Variants in KCNQ5 observed in about 807,000 individuals in gnomAD.
KCNQ5 encodes potassium voltage-gated channel subfamily Q member 5, also known as potassium voltage-gated channel subfamily KQT member 5.
KCNQ5 carries 30 observed loss-of-function variants against 98.2 expected under a neutral mutation model. That is an observed-to-expected ratio of 0.31 (90% confidence interval 0.23 to 0.41). The LOEUF is 0.41. KCNQ5 is among the 10% of genes least tolerant of loss of function. KCNQ5 has a pLI of 1.00. For missense variants in KCNQ5, 835 were observed against 1,182.5 expected, an observed-to-expected ratio of 0.71 and a Z score of 4.31; for synonymous variants, 458 against 449.4, an observed-to-expected ratio of 1.02 and a Z score of -0.24.
At chr6:73,012,812 G>A (rs968262666) in intron 2 of KCNQ5, among the ~76,000 whole-genome samples, 6 of 151,152 alleles carry the variant, frequency 4.0e-5, no homozygotes, top group East Asian at 1.9e-4. Context: ...CGTGTACCCC[G>A]GAACTTAAAA....
At chr6:72,837,561 T>C (rs1442639633) in intron 1 of KCNQ5, among the ~76,000 whole-genome samples, 1 of 152,152 alleles carries the variant, frequency 6.6e-6, no homozygotes, top group Non-Finnish European at 1.5e-5. Flanking sequence ...AATGATTACA[T>C]TGAAATGGTG....
Position 72,915,894 on chromosome 6 carries a change from T to A in KCNQ5, c.399-88014T>A, listed in dbSNP as rs372625105. On this transcript the variant is annotated intron_variant, in intron 1 of 13. Transcript: ENST00000370398. ...ATCTGGCTTGAAATGTTAAGATTCA[T>A]GAGGGACATAGATGCTACTAAAAAT... 1.8e-4 allele frequency among the ~76,000 whole-genome samples: 28 copies of A among 152,330 alleles called. No individual in the cohort carries two copies. The East Asian group carries it at 3.1e-3, about 17-fold the overall frequency.
intron 1 of KCNQ5, among the ~76,000 whole-genome samples, chr6:72,762,595 A>G (rs1291935547): frequency 1.3e-5 from 2 of 152,114 alleles, no homozygotes; most frequent in African/African-American, 2.4e-5. Context: ...AAGGTGGTGT[A>G]GTATGGCCAA....
chr6:72,743,014 G>T (rs964810424), intron 1 of KCNQ5, among the ~76,000 whole-genome samples: 1 of 152,122 alleles, frequency 6.6e-6, no homozygotes. Context: ...CTTTTTAGGG[G>T]TGAATATTGT....
At chr6:73,185,791 A>T (rs1778550175) in intron 11 of KCNQ5, among the ~76,000 whole-genome samples, 1 of 152,170 alleles carries the variant, frequency 6.6e-6, no homozygotes, top group Non-Finnish European at 1.5e-5. Context: ...TGCATTTTGA[A>T]AGGTTTGTTC....
At position 72,962,190 on chromosome 6, in the gene KCNQ5, TATATATATATAC is replaced by T. The variant is rs1360951149; in HGVS notation, c.399-41706_399-41695del. Among the ~76,000 whole-genome samples, 468 of 103,270 alleles carry T rather than the reference TATATATATATAC, an allele frequency of 4.5e-3. 3 individuals carry two copies. The highest frequency in any genetic ancestry group is 0.015 in the East Asian group (44 of 2,916). 67.7% of individuals were successfully genotyped at this position (103,270 alleles called of 152,430 possible). ...GAGACCTTGTTTCTCTAAATATATA[TATATATATATAC>T]ATATATATATATATACACACATATA... On this transcript the variant is annotated intron_variant, in intron 1 of 13. Transcript: ENST00000370398.
At position 72,846,560 on chromosome 6, in the gene KCNQ5, T is replaced by C. The variant is rs182777406; in HGVS notation, c.399-157348T>C. ...AGGCAAGGTAGCACATGCCCTGTAG[T>C]CCCAGCTACTTGGGAGGCTGAGGCA... On this transcript the variant is annotated intron_variant, in intron 1 of 13. Transcript: ENST00000370398. 7.3e-5 allele frequency among the ~76,000 whole-genome samples: 11 copies of C among 150,850 alleles called. No individual in the cohort carries two copies. In the East Asian group the frequency reaches 1.8e-3, roughly 24 times the overall value.
chr6:72,754,577 A>G (rs943359191), intron 1 of KCNQ5, among the ~76,000 whole-genome samples: 2 of 152,128 alleles, frequency 1.3e-5, no homozygotes. Flanking sequence ...GGATGCTGCC[A>G]AATATCCTAA....
intron 1 of KCNQ5, among the ~76,000 whole-genome samples, chr6:72,781,401 T>C (rs1388641527): frequency 6.6e-6 from 1 of 152,192 alleles, no homozygotes; most frequent in Non-Finnish European, 1.5e-5. Flanking sequence ...ACCAACTTTG[T>C]GGTAGTTATG....
At chr6:72,947,386 C>G (rs1766596937) in intron 1 of KCNQ5, among the ~76,000 whole-genome samples, 1 of 152,004 alleles carries the variant, frequency 6.6e-6, no homozygotes, top group African/African-American at 2.4e-5. Flanking sequence ...AGAAGAGGGG[C>G]AGAGTTTGGA....
At chr6:73,053,086 G>A (rs151052553) in intron 3 of KCNQ5, among the ~76,000 whole-genome samples, 2,364 of 152,148 alleles carry the variant, frequency 0.016, 24 homozygotes, top group Non-Finnish European at 0.018. Context: ...AAAAAAGCAG[G>A]AGTTGCTATT....
At chr6:72,860,135 T>C (rs1284912346) in intron 1 of KCNQ5, among the ~76,000 whole-genome samples, 1 of 152,114 alleles carries the variant, frequency 6.6e-6, no homozygotes, top group Non-Finnish European at 1.5e-5. Context: ...CAAATACAAA[T>C]GGTATGAATA....
intron 1 of KCNQ5, among the ~76,000 whole-genome samples, chr6:72,798,450 G>T (rs1774456375): frequency 6.6e-6 from 1 of 152,142 alleles, no homozygotes; most frequent in Admixed American, 6.6e-5. Context: ...GAGTGGGTTT[G>T]TTATTCAAAC....
intron 1 of KCNQ5, among the ~76,000 whole-genome samples, chr6:72,672,018 G>A (rs371394826): frequency 5.3e-5 from 8 of 151,192 alleles, no homozygotes; most frequent in Middle Eastern, 3.5e-3. Flanking sequence ...GGGTTTCACC[G>A]TGTTAGCCAG....
intron 1 of KCNQ5, among the ~76,000 whole-genome samples, chr6:72,816,822 CA>C (rs1562002225): frequency 6.6e-6 from 1 of 152,104 alleles, no homozygotes; most frequent in African/African-American, 2.4e-5. Context: ...TTAGTAATAT[CA>C]GAGAAGTAGA....
intron 1 of KCNQ5, among the ~76,000 whole-genome samples, chr6:72,675,291 A>G (rs11963576): frequency 0.014 from 2,119 of 152,302 alleles, 60 homozygotes; most frequent in African/African-American, 0.048. Flanking sequence ...AGTTAATTAT[A>G]CTTTCTATCC....
At chr6:72,960,806 C>A (rs188198636) in intron 1 of KCNQ5, among the ~76,000 whole-genome samples, 3 of 152,210 alleles carry the variant, frequency 2.0e-5, no homozygotes, top group African/African-American at 7.2e-5. Context: ...GGCCTGTGCC[C>A]GTAGTTCCCA....
intron 3 of KCNQ5, among the ~76,000 whole-genome samples, chr6:73,062,528 C>A (rs1011833663): frequency 1.3e-5 from 2 of 152,128 alleles, no homozygotes; most frequent in Admixed American, 1.3e-4. Flanking sequence ...CCCATCACAA[C>A]CCCTACACAC....
intron 1 of KCNQ5, among the ~76,000 whole-genome samples, chr6:72,631,892 C>T (rs1347108523): frequency 2.0e-5 from 3 of 152,128 alleles, no homozygotes; most frequent in Non-Finnish European, 4.4e-5. Context: ...TCTTTATGCA[C>T]ATTAATTCTT....
Sources: gnomAD v4.1 joint callset for allele counts (sites outside exome capture counted in the v4.1 genomes callset) on GRCh38, gnomAD v4.1.1 for gene constraint, MANE v1.5 for transcripts, NCBI Gene and HGNC (gene_info 2026-07-23, HGNC 2026-07-21) for gene names.